The following HACL1 variants were observed in gnomAD, a reference collection of about 807,000 sequenced individuals.
HACL1 encodes 2-hydroxyacyl-CoA lyase 1.
A neutral mutation model predicts 74.2 loss-of-function variants in HACL1; 64 were observed. That is an observed-to-expected ratio of 0.86 (90% CI 0.70 to 1.06). The LOEUF (loss-of-function observed/expected upper bound fraction) is 1.06. Among genes scored for constraint, HACL1 ranks in the 50% least tolerant of loss-of-function variants. The pLI, the probability that HACL1 is intolerant of heterozygous loss-of-function variation, is 0.00. For synonymous variants in HACL1, 230 were observed against 238.8 expected (o/e 0.96, Z 0.34); for missense variants, 728 against 719.7 (o/e 1.01, Z -0.13).
chr3:15,585,801 T>C (rs2063785398), intron 6 of HACL1, among the ~76,000 whole-genome samples: 1 of 152,202 alleles, frequency 6.6e-6, no homozygotes, highest in Admixed American at 6.5e-5. Context: ...TAATACAGGT[T>C]GAGTATCTGT....
At chr3:15,587,552 C>G (rs1347007152) in intron 5 of HACL1, among the ~76,000 whole-genome samples, 1 of 151,820 alleles carries the variant, frequency 6.6e-6, no homozygotes, top group Non-Finnish European at 1.5e-5. Flanking sequence ...TAAATTTGAT[C>G]TAATAAACTA....
In HACL1 at chr3:15,568,579, G is replaced by T; in HGVS notation, c.1103C>A (p.Ala368Asp). 2 of 1,517,764 alleles carry T rather than the reference G, an allele frequency of 1.3e-6. No homozygotes were observed. Among genetic ancestry groups the T allele is most frequent in the Non-Finnish European group, 1.8e-6 (2 of 1,107,684 alleles). The allele number at this position is 1,517,764 out of a possible 1,614,324, so 94.0% of individuals were successfully genotyped here. A position where few individuals can be genotyped will look rare whatever the true frequency, so the allele number is the denominator to read the frequency against. Residue 368 changes from alanine to aspartate, a missense_variant, in exon 13 of 17, where the codon GCT becomes GAT. Ala to Asp is a moderately radical substitution (Grantham distance 126). Transcript: ENST00000321169. ...ATTCATAGGCAGGGATTTTTTAGAAGCTAGTTCCTGAAAAGTAGATGGGAA... is the reference window on the plus strand; with the variant it reads ...ATTCATAGGCAGGGATTTTTTAGAATCTAGTTCCTGAAAAGTAGATGGGAA... ...KSNEAASKEL[A>D]SKKSLPMNYY...
intron 2 of HACL1, among the ~76,000 whole-genome samples, chr3:15,600,231 A>G (rs1044719195): frequency 3.3e-5 from 5 of 152,240 alleles, no homozygotes; most frequent in African/African-American, 1.2e-4. Context: ...CCAGGCACTC[A>G]TGTATGATGG....
chr3:15,594,657 T>C (rs1444690525), intron 3 of HACL1, among the ~76,000 whole-genome samples: 1 of 152,196 alleles, frequency 6.6e-6, no homozygotes, highest in Non-Finnish European at 1.5e-5. Flanking sequence ...TATGATACGG[T>C]AGCCACTACT....
Position 15,573,159 on chromosome 3 carries a change from C to T in HACL1, c.993G>A (p.Gln331=). 1.3e-6 allele frequency: 2 copies of T among 1,572,510 alleles called. No individual in the cohort carries two copies. The highest frequency in any genetic ancestry group is 1.7e-5 in the Admixed American group (1 of 59,912). The part of the protein sequence containing the change: ...LLGNIHAVTK[Q]LLEELDKTPW... ...CATAAACTAAAACAAAAGTTCTCAC[C>T]TGCTTAGTGACAGCATGTATGTTTC... The change falls in exon 11 of 17, where the codon CAG becomes CAA. Residue 331 remains glutamine, a splice_region_variant and synonymous_variant. Transcript: ENST00000321169.
In HACL1 at chr3:15,571,679, C is replaced by G; in HGVS notation, c.1084G>C (p.Ala362Pro). 2 of 1,413,704 alleles carry G rather than the reference C, an allele frequency of 1.4e-6. No individual in the cohort carries two copies. The highest frequency in any genetic ancestry group is 2.0e-6 in the Non-Finnish European group (2 of 998,370). 87.6% of individuals were successfully genotyped at this position (1,413,704 alleles called of 1,614,324 possible). Residue 362 changes from alanine (A) to proline (P), a missense_variant, in exon 12 of 17, where the codon GCT becomes CCT. By Grantham distance (27) the Ala-to-Pro change is conservative. Transcript: ENST00000321169. ...TLREKMKSNEAASKELASKKS... is the reference protein window; with the variant it reads ...TLREKMKSNEPASKELASKKS... ...AGGTCCGATTTTACCTTGGATGCAG[C>G]TTCATTGCTCTTCATTTTTTCTCTC...
At chr3:15,564,078 C>A (rs1035422162) in intron 15 of HACL1, among the ~76,000 whole-genome samples, 3 of 152,224 alleles carry the variant, frequency 2.0e-5, no homozygotes, top group Non-Finnish European at 2.9e-5. Flanking sequence ...CCAAGGCTGG[C>A]TCACAAATTC....
At chr3:15,565,231 C>G (rs2063412928) in intron 14 of HACL1, among the ~76,000 whole-genome samples, 1 of 151,958 alleles carries the variant, frequency 6.6e-6, no homozygotes, top group Non-Finnish European at 1.5e-5. Context: ...AATCACTGAG[C>G]TTTTCTGAAT....
chr3:15,569,244 C>T (rs1574911543), intron 12 of HACL1, among the ~76,000 whole-genome samples: 1 of 152,286 alleles, frequency 6.6e-6, no homozygotes, highest in East Asian at 1.9e-4. Flanking sequence ...ACCTATGCTA[C>T]TTTGTTCTGC....
chr3:15,578,562 T>A (rs1460669238), intron 9 of HACL1, among the ~76,000 whole-genome samples: 2 of 152,170 alleles, frequency 1.3e-5, no homozygotes, highest in African/African-American at 2.4e-5. Context: ...GAGAAACTGT[T>A]TTTTTGGCCA....
intron 9 of HACL1, among the ~76,000 whole-genome samples, chr3:15,576,148 C>CT (rs2063622359): frequency 1.1e-5 from 1 of 87,518 alleles, no homozygotes; most frequent in Non-Finnish European, 2.0e-5. Context: ...AAGCGAGACT[C>CT]TGTCTCAAAA....
At chr3:15,601,304 T>G in intron 1 of HACL1, 79 bp downstream of exon 1, 1 of 1,596,630 alleles carries the variant, frequency 6.3e-7, no homozygotes, top group South Asian at 1.1e-5. Flanking sequence ...CATCGCCCAT[T>G]TCTACTCGTC....
intron 3 of HACL1, chr3:15,596,047 T>C (rs1321708751): frequency 1.0e-5 from 2 of 195,950 alleles, no homozygotes; most frequent in African/African-American, 2.3e-5. Flanking sequence ...AATCAGAACG[T>C]GTGGAACAGC....
At chr3:15,586,805 TG>T (rs1159475413) in intron 5 of HACL1, among the ~76,000 whole-genome samples, 1 of 152,148 alleles carries the variant, frequency 6.6e-6, no homozygotes, top group Non-Finnish European at 1.5e-5. Flanking sequence ...ATACCAAAGA[TG>T]CAAAATCTTT....
At chr3:15,573,606 A>G (rs1316749360) in intron 10 of HACL1, among the ~76,000 whole-genome samples, 1 of 152,232 alleles carries the variant, frequency 6.6e-6, no homozygotes, top group Non-Finnish European at 1.5e-5. Flanking sequence ...ATATAAGCAT[A>G]TATCAGAGTC....
At chr3:15,590,386 T>C (rs1056877004) in intron 4 of HACL1, among the ~76,000 whole-genome samples, 7 of 151,058 alleles carry the variant, frequency 4.6e-5, no homozygotes, top group African/African-American at 1.7e-4. Flanking sequence ...TATAACACCT[T>C]AAAGTAGATA....
chr3:15,592,087 TAC>T lies in HACL1; in HGVS notation c.228-409_228-408del, dbSNP rs1201068950. 3.2e-3 allele frequency among the ~76,000 whole-genome samples: 436 copies of T among 136,224 alleles called. 17 individuals carry two copies. Among genetic ancestry groups the T allele is most frequent in the East Asian group, 0.013 (53 of 4,136 alleles). The allele number at this position is 136,224 out of a possible 152,430, so 89.4% of individuals were successfully genotyped here. ...ATACGTATATACGTATACGTATATA[TAC>T]ACACACTATATACGTATATATACAC... On this transcript the variant is annotated intron_variant, in intron 3 of 16. Coordinates refer to ENST00000321169, the MANE Select transcript of HACL1 (RefSeq NM_012260.4).
chr3:15,575,541 C>A (rs979430193), intron 9 of HACL1, among the ~76,000 whole-genome samples: 2 of 151,810 alleles, frequency 1.3e-5, no homozygotes, highest in Admixed American at 6.6e-5. Flanking sequence ...GTCTCATACA[C>A]TTTTTTTATT....
chr3:15,600,952 A>G, intron 2 of HACL1, 138 bp downstream of exon 2: 1 of 651,686 alleles, frequency 1.5e-6, no homozygotes, highest in South Asian at 1.7e-5. Flanking sequence ...AACAACAGTT[A>G]ATATTCAACA....
Sources: allele counts gnomAD v4.1 joint callset (sites outside exome capture counted in the v4.1 genomes callset), GRCh38; gene constraint gnomAD v4.1.1; transcripts MANE v1.5; gene names NCBI Gene and HGNC (gene_info 2026-07-23, HGNC 2026-07-21).